CHSY3: variants seen among roughly 807,000 people sequenced by gnomAD.
CHSY3 encodes the protein chondroitin sulfate synthase 3.
CHSY3 carries 35 observed loss-of-function variants against 67.2 expected under a neutral mutation model. The observed-to-expected ratio is 0.52, with a 90% CI of 0.40 to 0.69. The LOEUF (loss-of-function observed/expected upper bound fraction) is 0.69. Ranked by LOEUF, CHSY3 falls within the 30% of genes least tolerant of loss-of-function variation. CHSY3 has a pLI of 0.00. For synonymous variants in CHSY3, 474 were observed against 434.7 expected, an observed-to-expected ratio of 1.09 and a Z score of -1.12; for missense variants, 1,069 against 1,138.5, an observed-to-expected ratio of 0.94 and a Z score of 0.88.
At chr5:129,931,389 G>A (rs1451467382) in intron 2 of CHSY3, among the ~76,000 whole-genome samples, 1 of 152,068 alleles carries the variant, frequency 6.6e-6, no homozygotes, top group African/African-American at 2.4e-5. Flanking sequence ...GCTTTGAATA[G>A]TTCTATTTTC....
chr5:129,961,711 G>A lies in CHSY3; in HGVS notation c.1086+53351G>A, dbSNP rs368622636. Among the ~76,000 whole-genome samples the A allele has an allele frequency of 9.2e-5, 14 of 151,664 alleles. No homozygotes were observed. In the South Asian group the frequency reaches 2.9e-3, roughly 32 times the overall value. On this transcript the variant is annotated intron_variant, in intron 2 of 2. Transcript: ENST00000305031. Reference sequence around the variant, plus strand: ...AGCCTCTTTCTTCCTTTCTGATCCAGGATGGTCCACAATTTGAGTAACCTT... The same window carrying A: ...AGCCTCTTTCTTCCTTTCTGATCCAAGATGGTCCACAATTTGAGTAACCTT...
At chr5:129,926,857 A>G (rs1419203643) in intron 2 of CHSY3, among the ~76,000 whole-genome samples, 3 of 151,932 alleles carry the variant, frequency 2.0e-5, no homozygotes, top group African/African-American at 7.2e-5. Flanking sequence ...TATATATTCA[A>G]TTCACTAACT....
chr5:130,125,452 T>TAGATAGATAGATAGATAGAC lies in CHSY3; in HGVS notation c.1087-58774_1087-58773insTAGATAGATAGATAGACAGA, dbSNP rs1200470666. On this transcript the variant is annotated intron_variant, in intron 2 of 2. Transcript: ENST00000305031. ...ATAGATAGATAGATAGATAGATAGA[T>TAGATAGATAGATAGATAGAC]AGACAGACAGACAGACAGATGGATT... 9.3e-4 allele frequency among the ~76,000 whole-genome samples: 141 copies of TAGATAGATAGATAGATAGAC among 151,916 alleles called. 2 individuals carry two copies. Among genetic ancestry groups the TAGATAGATAGATAGATAGAC allele is most frequent in the Middle Eastern group, 6.8e-3 (2 of 294 alleles).
rs192738320 is a variant in CHSY3 at position 130,007,057 on chromosome 5, A to G, written c.1086+98697A>G. On this transcript the variant is annotated intron_variant, in intron 2 of 2. Coordinates refer to ENST00000305031, the MANE Select transcript of CHSY3 (RefSeq NM_175856.5). Reference sequence around the variant, plus strand: ...TATTCATGATGTTAATCCTTGGACCACACATTGAGTAATACAATGAAATTT... The same window carrying G: ...TATTCATGATGTTAATCCTTGGACCGCACATTGAGTAATACAATGAAATTT... Among the ~76,000 whole-genome samples the G allele has an allele frequency of 2.8e-3, 432 of 152,330 alleles. 2 individuals are homozygous for G. The highest frequency in any genetic ancestry group is 4.2e-3 in the Non-Finnish European group (283 of 68,036).
At position 130,185,431 on chromosome 5, in the gene CHSY3, T is replaced by C. The variant is rs750922312; in HGVS notation, c.2289T>C (p.Asp763=). The part of the protein sequence containing the change: ...KVTNGGNPPT[D]DYFIFSKKTG... Reference sequence around the variant, plus strand: ...CAAACGGGGGAAATCCTCCCACTGATGATTACTTCATATTCTCAAAAAAGA... The same window carrying C: ...CAAACGGGGGAAATCCTCCCACTGACGATTACTTCATATTCTCAAAAAAGA... The change falls in exon 3 of 3, where the codon GAT becomes GAC. Residue 763 remains aspartate (D), a synonymous_variant. Coordinates refer to ENST00000305031, the MANE Select transcript of CHSY3 (RefSeq NM_175856.5). The C allele has an allele frequency of 4.0e-5, 64 of 1,613,730 alleles. 2 individuals are homozygous for C. In the South Asian group the frequency reaches 6.1e-4, roughly 16 times the overall value.
chr5:130,014,559 A>T (rs1470934990), intron 2 of CHSY3, among the ~76,000 whole-genome samples: 1 of 152,294 alleles, frequency 6.6e-6, no homozygotes, highest in South Asian at 2.1e-4. Context: ...CACTATCATG[A>T]GAACAGCATG....
chr5:130,070,308 AC>A (rs1159111347), intron 2 of CHSY3, among the ~76,000 whole-genome samples: 76 of 152,268 alleles, frequency 5.0e-4, no homozygotes, highest in African/African-American at 1.8e-3. Flanking sequence ...TAGACATTAT[AC>A]TGAATCAAGC....
At chr5:129,974,716 G>A (rs1476693362) in intron 2 of CHSY3, among the ~76,000 whole-genome samples, 1 of 152,082 alleles carries the variant, frequency 6.6e-6, no homozygotes, top group Admixed American at 6.6e-5. Context: ...ATGTCAAGGT[G>A]GGCAGCACAG....
chr5:130,077,815 A>G (rs1237558002), intron 2 of CHSY3, among the ~76,000 whole-genome samples: 1 of 150,892 alleles, frequency 6.6e-6, no homozygotes, highest in African/African-American at 2.5e-5. Flanking sequence ...ATATATACAC[A>G]CATATATATA....
chr5:129,990,784 A>T (rs906797635), intron 2 of CHSY3, among the ~76,000 whole-genome samples: 3 of 152,170 alleles, frequency 2.0e-5, no homozygotes, highest in African/African-American at 7.2e-5. Context: ...GAGAGTGACA[A>T]TATGAAAAAA....
intron 2 of CHSY3, among the ~76,000 whole-genome samples, chr5:129,930,506 G>A (rs567601852): frequency 1.0e-5 from 1 of 95,264 alleles, no homozygotes; most frequent in Non-Finnish European, 2.1e-5. Context: ...AGGCATCACT[G>A]GCGGGGGGGG....
Position 129,904,839 on chromosome 5 carries a change from C to T in CHSY3, c.10C>T (p.Arg4Cys). 1 of 1,439,858 alleles carries T rather than the reference C, an allele frequency of 6.9e-7. No homozygotes were observed. The highest frequency in any genetic ancestry group is 9.1e-7 in the Non-Finnish European group (1 of 1,093,760). 89.2% of individuals were successfully genotyped at this position (1,439,858 alleles called of 1,614,324 possible). Reference protein sequence around the residue: MAVRSRRPWMSVAL... With the variant: MAVCSRRPWMSVAL... ...GCCCGGGACAGCCGCGATGGCTGTG[C>T]GCTCTCGCCGCCCGTGGATGAGCGT... The change falls in exon 1 of 3, where the codon CGC becomes TGC. Residue 4 changes from arginine to cysteine, a missense_variant. Arg to Cys is a radical substitution (Grantham distance 180). Transcript: ENST00000305031.
chr5:130,162,095 T>A (rs915924624), intron 2 of CHSY3, among the ~76,000 whole-genome samples: 3 of 150,440 alleles, frequency 2.0e-5, no homozygotes, highest in Admixed American at 1.3e-4. Context: ...ACTATCCTTG[T>A]ATAGTGTTTT....
intron 2 of CHSY3, among the ~76,000 whole-genome samples, chr5:130,015,701 C>T (rs947603554): frequency 6.6e-6 from 1 of 152,144 alleles, no homozygotes; most frequent in African/African-American, 2.4e-5. Context: ...GATCTTAGAA[C>T]TATGATTCAA....
At chr5:129,994,846 A>C in intron 2 of CHSY3, among the ~76,000 whole-genome samples, 1 of 144,940 alleles carries the variant, frequency 6.9e-6, no homozygotes, top group Non-Finnish European at 1.5e-5. Context: ...GAATTGAACA[A>C]TGAGAACACT....
chr5:130,180,484 G>T (rs925550471), intron 2 of CHSY3, among the ~76,000 whole-genome samples: 7 of 152,006 alleles, frequency 4.6e-5, no homozygotes, highest in Admixed American at 2.6e-4. Flanking sequence ...TGCTCCAAAA[G>T]TTACCTTGTG....
intron 2 of CHSY3, among the ~76,000 whole-genome samples, chr5:130,090,932 GT>G (rs1266763252): frequency 1.3e-5 from 2 of 152,124 alleles, no homozygotes; most frequent in African/African-American, 4.8e-5. Context: ...TTTAAAGCAT[GT>G]TGTTAGTTTA....
chr5:130,036,010 G>A (rs75937531), intron 2 of CHSY3, among the ~76,000 whole-genome samples: 2,030 of 150,530 alleles, frequency 0.013, 38 homozygotes, highest in African/African-American at 0.047. Context: ...ATGTGGCAAG[G>A]CCCTTTGTTC....
At chr5:130,018,564 A>G (rs1265105122) in intron 2 of CHSY3, among the ~76,000 whole-genome samples, 1 of 152,148 alleles carries the variant, frequency 6.6e-6, no homozygotes, top group Non-Finnish European at 1.5e-5. Context: ...GAATTTTGTC[A>G]TGGTTATATT....
Sources: allele counts gnomAD v4.1 joint callset (sites outside exome capture counted in the v4.1 genomes callset), GRCh38; gene constraint gnomAD v4.1.1; transcripts MANE v1.5; gene names NCBI Gene and HGNC (gene_info 2026-07-23, HGNC 2026-07-21).